NTM: variants seen among roughly 807,000 people sequenced by gnomAD.
NTM encodes the protein neurotrimin.
NTM carries 13 observed loss-of-function variants against 42.1 expected under a neutral mutation model. That is an observed-to-expected ratio of 0.31 (90% CI 0.20 to 0.49). NTM has a LOEUF of 0.49. Ranked by LOEUF, NTM falls within the 20% of genes least tolerant of loss-of-function variation. The pLI is 0.99. For synonymous variants in NTM, 187 were observed against 179.2 expected (o/e 1.04, Z -0.35); for missense variants, 373 against 452.8 (o/e 0.82, Z 1.60).
At chr11:132,323,450 C>A (rs1410774122) in intron 7 of NTM, among the ~76,000 whole-genome samples, 11 of 149,200 alleles carry the variant, frequency 7.4e-5, no homozygotes, top group South Asian at 4.3e-4. Context: ...TTCCTCGACA[C>A]ATACACTCTC....
In NTM at chr11:131,632,673, C is replaced by CTTTTTTTTTTT. The variant is rs529612626; in HGVS notation, c.82+261794_82+261804dup. 2.6e-3 allele frequency among the ~76,000 whole-genome samples: 219 copies of CTTTTTTTTTTT among 83,084 alleles called. 23 individuals carry two copies. Among genetic ancestry groups the CTTTTTTTTTTT allele is most frequent in the African/African-American group, 4.9e-3 (99 of 20,128 alleles). 54.5% of individuals were successfully genotyped at this position (83,084 alleles called of 152,430 possible). A position where few individuals can be genotyped will look rare whatever the true frequency, so the allele number is the denominator to read the frequency against. On this transcript the variant is annotated intron_variant, in intron 1 of 8. Transcript: ENST00000683400. ...TTTCATCTTGGTCATGCTCGGGCAG[C>CTTTTTTTTTTT]TTTTTTTTTTTTTTTTTTTGAGACG...
intron 1 of NTM, among the ~76,000 whole-genome samples, chr11:131,742,559 A>G (rs532395487): frequency 1.3e-5 from 2 of 152,040 alleles, no homozygotes; most frequent in Non-Finnish European, 1.5e-5. Context: ...TGTGAATTAC[A>G]TAGAATCTAT....
At position 132,265,599 on chromosome 11, in the gene NTM, G is replaced by A. The variant is rs1438594360; in HGVS notation, c.527-42090G>A. On this transcript the variant is annotated intron_variant, in intron 4 of 8. Transcript: ENST00000683400. ...GGAATACATTGCCGGGAATCTAGGG[G>A]CTTATGGAATTTATGAAAAGCTGGG... Among the ~76,000 whole-genome samples the A allele has an allele frequency of 9.2e-5, 14 of 152,182 alleles. No individual in the cohort carries two copies. In the South Asian group the frequency reaches 1.7e-3, roughly 18 times the overall value.
intron 1 of NTM, among the ~76,000 whole-genome samples, chr11:131,378,189 C>T (rs996825539): frequency 6.6e-6 from 1 of 152,184 alleles, no homozygotes; most frequent in Non-Finnish European, 1.5e-5. Context: ...GCCTAATCTG[C>T]AGTCAGGTTG....
At chr11:131,660,672 A>T in intron 1 of NTM, 1 of 435,032 alleles carries the variant, frequency 2.3e-6, no homozygotes, top group Non-Finnish European at 4.6e-6. Flanking sequence ...TCATCCATGA[A>T]GCGGGGACAG....
intron 4 of NTM, among the ~76,000 whole-genome samples, chr11:132,228,311 G>T: frequency 6.6e-6 from 1 of 152,064 alleles, no homozygotes. Flanking sequence ...AGGGGGCAGA[G>T]GAAGCAGGCA....
chr11:132,148,700 C>T (rs1258528635), intron 3 of NTM, among the ~76,000 whole-genome samples: 1 of 152,116 alleles, frequency 6.6e-6, no homozygotes, highest in Admixed American at 6.5e-5. Flanking sequence ...CGCAGAATGC[C>T]TGATACAAAG....
intron 4 of NTM, among the ~76,000 whole-genome samples, chr11:132,285,457 C>T (rs188517362): frequency 2.8e-4 from 43 of 152,260 alleles, no homozygotes; most frequent in Non-Finnish European, 3.1e-4. Flanking sequence ...TGTCCTCCTT[C>T]GTGGACCTGA....
intron 1 of NTM, among the ~76,000 whole-genome samples, chr11:131,632,931 C>T (rs1470617613): frequency 6.8e-6 from 1 of 147,096 alleles, no homozygotes; most frequent in Non-Finnish European, 1.5e-5. Context: ...TCTCAGCCTC[C>T]CAAAGTGCTA....
chr11:131,681,396 T>C (rs2072793943), intron 1 of NTM, among the ~76,000 whole-genome samples: 3 of 36,500 alleles, frequency 8.2e-5, no homozygotes, highest in African/African-American at 1.3e-4. Context: ...TGTGTCTGTG[T>C]GTATGTCTCC....
intron 1 of NTM, among the ~76,000 whole-genome samples, chr11:131,629,639 C>A (rs777447473): frequency 2.2e-4 from 34 of 152,092 alleles, no homozygotes; most frequent in Non-Finnish European, 4.7e-4. Flanking sequence ...CAAGGATCAC[C>A]CTGGAGGATG....
chr11:132,142,098 G>C (rs2069286360), intron 2 of NTM, among the ~76,000 whole-genome samples: 1 of 152,182 alleles, frequency 6.6e-6, no homozygotes, highest in South Asian at 2.1e-4. Context: ...CCAGCGGTGG[G>C]AGGGCGGTAT....
intron 1 of NTM, among the ~76,000 whole-genome samples, chr11:131,445,828 AC>A (rs1166774495): frequency 6.6e-6 from 1 of 152,192 alleles, no homozygotes; most frequent in Non-Finnish European, 1.5e-5. Context: ...AGCAAAACCC[AC>A]CGGTCAAATG....
At chr11:131,874,059 A>ATATGTATATG (rs1565659817) in intron 1 of NTM, among the ~76,000 whole-genome samples, 20 of 102,848 alleles carry the variant, frequency 1.9e-4, no homozygotes, top group African/African-American at 7.5e-4. Context: ...ATATATATAT[A>ATATGTATATG]TATATATATC....
At chr11:131,996,085 C>G (rs892299991) in intron 2 of NTM, among the ~76,000 whole-genome samples, 7 of 152,110 alleles carry the variant, frequency 4.6e-5, no homozygotes, top group African/African-American at 1.7e-4. Context: ...AACATAAATT[C>G]TATAGGGAAA....
rs140912311 is a variant in NTM, at chr11:132,218,143, A to G, written c.526+5996A>G. 5.6e-3 allele frequency among the ~76,000 whole-genome samples: 846 copies of G among 152,282 alleles called. 6 individuals are homozygous for G. The highest frequency in any genetic ancestry group is 0.017 in the African/African-American group (714 of 41,552). On this transcript the variant is annotated intron_variant, in intron 4 of 8. Coordinates refer to ENST00000683400, the MANE Select transcript of NTM (RefSeq NM_001352005.2). The stretch of plus-strand genomic sequence containing the variant: ...GCATCCGGGGCCCCGTGTGGCGCTG[A>G]GATCATTAGAATGGCAGAGGAGAAA...
At chr11:132,185,318 CAA>C (rs2078234507) in intron 3 of NTM, among the ~76,000 whole-genome samples, 1 of 152,180 alleles carries the variant, frequency 6.6e-6, no homozygotes, top group Non-Finnish European at 1.5e-5. Flanking sequence ...CTTGAGATAT[CAA>C]GGCTTTTATG....
chr11:131,593,158 G>A (rs1325973630), intron 1 of NTM, among the ~76,000 whole-genome samples: 2 of 152,030 alleles, frequency 1.3e-5, no homozygotes, highest in Admixed American at 6.6e-5. Context: ...AGATGAAATA[G>A]GCAAAGAGCA....
intron 4 of NTM, among the ~76,000 whole-genome samples, chr11:132,299,235 C>G (rs772350295): frequency 1.2e-4 from 18 of 152,176 alleles, no homozygotes; most frequent in Admixed American, 2.6e-4. Flanking sequence ...GCAGAACTTG[C>G]AGTGAGCTGA....
Sources: allele counts gnomAD v4.1 joint callset (sites outside exome capture counted in the v4.1 genomes callset), GRCh38; gene constraint gnomAD v4.1.1; transcripts MANE v1.5; gene names NCBI Gene and HGNC (gene_info 2026-07-23, HGNC 2026-07-21).